Variants in GGT1 observed in about 807,000 individuals in gnomAD.
GGT1 encodes the protein glutathione hydrolase 1 proenzyme.
A neutral mutation model predicts 56.0 loss-of-function variants in GGT1; 21 were observed. The ratio of observed to expected loss-of-function variants is 0.38; its 90% CI spans 0.27 to 0.54. The LOEUF is 0.54. GGT1 is among the 20% of genes least tolerant of loss of function. The pLI, the probability that GGT1 is intolerant of heterozygous loss-of-function variation, is 0.82. For missense variants in GGT1, 466 were observed against 787.0 expected, an observed-to-expected ratio of 0.59 and a Z score of 4.88; for synonymous variants, 238 against 342.6, an observed-to-expected ratio of 0.69 and a Z score of 3.37.
At chr22:24,611,820 T>TGTGTGTGTG (rs2046722956) in intron 5 of GGT1, among the ~76,000 whole-genome samples, 1 of 147,524 alleles carries the variant, frequency 6.8e-6, no homozygotes, top group African/African-American at 2.6e-5. Context: ...TGTGTGTGTG[T>TGTGTGTGTG]TTCCAAGACA....
chr22:24,619,926 C>T (rs1334249760), intron 7 of GGT1, among the ~76,000 whole-genome samples: 3 of 150,920 alleles, frequency 2.0e-5, no homozygotes, highest in Non-Finnish European at 4.4e-5. Flanking sequence ...GCTACTGCTT[C>T]CCCTGCTGTG....
chr22:24,619,778 G>A (rs549357538), intron 7 of GGT1, among the ~76,000 whole-genome samples: 1 of 150,900 alleles, frequency 6.6e-6, no homozygotes, highest in East Asian at 1.9e-4. Context: ...GCACATTCTC[G>A]TGGAGCCCAT....
upstream of GGT1, among the ~76,000 whole-genome samples, chr22:24,601,413 G>A (rs188362038): frequency 5.3e-5 from 8 of 152,350 alleles, no homozygotes; most frequent in East Asian, 1.4e-3. Flanking sequence ...GCCAGTTGCA[G>A]GAAGTGGTTT....
In GGT1 at chr22:24,628,646, T is replaced by A. The variant is rs1397181490; in HGVS notation, c.1564-47T>A. 1 of 1,610,912 alleles carries A rather than the reference T, an allele frequency of 6.2e-7. No homozygotes were observed. Among genetic ancestry groups the A allele is most frequent in the South Asian group, 1.1e-5 (1 of 90,984 alleles). On this transcript the variant is annotated intron_variant, in intron 15 of 15. Coordinates refer to ENST00000400382, the MANE Select transcript of GGT1 (RefSeq NM_001288833.2). This position sits in a 1 kb window ranked among gnomAD's most constrained non-coding sequence, Gnocchi z 5.7. ...TGTGACCACACAGATGTGGTTCAGG[T>A]GGCATCTGGAGCCCTGCTCAGGCTT...
chr22:24,620,348 C>T lies in GGT1; in HGVS notation c.403C>T (p.Pro135Ser), dbSNP rs751315001. 3 of 1,611,706 alleles carry T rather than the reference C, an allele frequency of 1.9e-6. No individual in the cohort carries two copies. The highest frequency in any genetic ancestry group is 2.5e-6 in the Non-Finnish European group (3 of 1,179,768). The change falls in exon 8 of 16, where the codon CCT (proline) becomes TCT (serine). Residue 135 changes from proline to serine, a missense_variant. This residue lies in a region of GGT1 where 456 missense variants were observed against 716.7 expected (regional missense o/e 0.64). Coordinates refer to ENST00000400382, the MANE Select transcript of GGT1 (RefSeq NM_001288833.2). This position sits in a 1 kb window ranked among gnomAD's most constrained non-coding sequence, Gnocchi z 5.6. ...CCCAGGGGGGCTGTCGGTGGCGGTG[C>T]CTGGGGAGATCCGAGGCTATGAGCT... ...SQKGGLSVAVPGEIRGYELAH... is the reference protein window; with the variant it reads ...SQKGGLSVAVSGEIRGYELAH...
chr22:24,606,853 C>T (rs1323295693), intron 1 of GGT1, among the ~76,000 whole-genome samples: 2 of 151,712 alleles, frequency 1.3e-5, no homozygotes, highest in African/African-American at 4.9e-5. Context: ...GAATAGACCT[C>T]AGGTGGAGGC....
rs1335161756 is a variant in GGT1, at chr22:24,627,910, G to A, written c.1267G>A (p.Asp423Asn). ...SGILFNNEMD[D>N]FSSPSITNEF... is the part of the protein sequence containing the mutation. ...GATCCTGTTCAATAATGAAATGGAC[G>A]ACTTCAGCTCTCCCAGCATCACCAA... Residue 423 changes from aspartate to asparagine, a missense_variant, in exon 13 of 16, where the codon GAC becomes AAC. Coordinates refer to ENST00000400382, the MANE Select transcript of GGT1 (RefSeq NM_001288833.2). 13 of 1,613,782 alleles carry A rather than the reference G, an allele frequency of 8.1e-6. No individual in the cohort carries two copies. Among genetic ancestry groups the A allele is most frequent in the South Asian group, 2.2e-5 (2 of 91,072 alleles).
chr22:24,588,629 G>A, the GGT1 span: 15 of 1,096,688 alleles, frequency 1.4e-5, no homozygotes, highest in South Asian at 4.5e-5. Flanking sequence ...CCAGCGTCTC[G>A]GGCTATCAGC....
upstream of GGT1, chr22:24,593,017 C>CG: frequency 8.3e-6 from 9 of 1,086,366 alleles, no homozygotes; most frequent in Non-Finnish European, 1.0e-5. Flanking sequence ...GGGCCCGGCC[C>CG]GCCGGCCCAG....
In GGT1 at chr22:24,604,278, G is replaced by A. The variant is rs2045893754; in HGVS notation, c.-429+751G>A. The stretch of plus-strand genomic sequence containing the variant: ...ACCTCGTAAAATCCCTTTTGTCTAA[G>A]CTTCAGTTTCCTGCCTGTGAATGGG... On this transcript the variant is annotated intron_variant, in intron 1 of 15. Coordinates refer to ENST00000400382, the MANE Select transcript of GGT1 (RefSeq NM_001288833.2). Among the ~76,000 whole-genome samples, 10 of 152,252 alleles carry A rather than the reference G, an allele frequency of 6.6e-5. No homozygotes were observed. In the South Asian group the frequency reaches 2.1e-3, roughly 32 times the overall value.
chr22:24,611,550 CTATCT>C (rs1569054953), intron 5 of GGT1, among the ~76,000 whole-genome samples: 3,333 of 44,440 alleles, frequency 0.075, 38 homozygotes, highest in Admixed American at 0.094. Context: ...TATCATCTAT[CTATCT>C]ATCTATCTAT....
chr22:24,585,256 C>A, the GGT1 span, among the ~76,000 whole-genome samples: 1 of 152,198 alleles, frequency 6.6e-6, no homozygotes, highest in African/African-American at 2.4e-5. Flanking sequence ...CAGCCTTGTC[C>A]CCTGCCCAGA....
rs1247970825 is a variant in GGT1, at chr22:24,610,414, G to C, written c.-125G>C. 128 of 191,200 alleles carry C rather than the reference G, an allele frequency of 6.7e-4. No individual in the cohort carries two copies. The highest frequency in any genetic ancestry group is 1.4e-3 in the South Asian group (15 of 11,106). 11.8% of individuals were successfully genotyped at this position (191,200 alleles called of 1,614,324 possible). A position where few individuals can be genotyped will look rare whatever the true frequency, so the allele number is the denominator to read the frequency against. ...CCTGAAGAAGATTCTGTGGCTACAG[G>C]CTTCAGCAGAGTGTGAGGGAGACCC... On this transcript the variant is annotated 5_prime_UTR_variant, in exon 4 of 16. Transcript: ENST00000400382.
the GGT1 span, chr22:24,588,569 G>T: frequency 1.2e-6 from 1 of 843,312 alleles, no homozygotes; most frequent in Non-Finnish European, 1.7e-6. Context: ...AGTGCCCGGC[G>T]GGAGGAAGCC....
the GGT1 span, chr22:24,586,468 C>T: frequency 4.5e-6 from 7 of 1,544,702 alleles, no homozygotes; most frequent in African/African-American, 8.1e-5. Flanking sequence ...CCCCCACTGA[C>T]CACAGACAGT....
upstream of GGT1, among the ~76,000 whole-genome samples, chr22:24,591,359 G>A (rs571704228): frequency 3.9e-5 from 6 of 152,360 alleles, no homozygotes; most frequent in African/African-American, 1.4e-4. Context: ...GATTATAGGC[G>A]TGAGCCACTG....
At chr22:24,594,209 A>G (rs1277979260), upstream of GGT1, among the ~76,000 whole-genome samples, 3 of 151,916 alleles carry the variant, frequency 2.0e-5, no homozygotes, top group South Asian at 2.1e-4. Flanking sequence ...TGCAGCCCCA[A>G]TCCCGGCTCT....
chr22:24,614,944 G>A, intron 6 of GGT1, 38 bp downstream of exon 6: 2 of 1,607,088 alleles, frequency 1.2e-6, no homozygotes, highest in Non-Finnish European at 1.7e-6. Flanking sequence ...AGGGGCAGGG[G>A]GTGTGGGTTG....
At chr22:24,589,907 T>C (rs761994638), upstream of GGT1, 1 of 1,612,860 alleles carries the variant, frequency 6.2e-7, no homozygotes, top group Non-Finnish European at 8.5e-7. Flanking sequence ...GCCACATCTC[T>C]GTAGAGGATA....
Sources: gnomAD v4.1 joint callset for allele counts (sites outside exome capture counted in the v4.1 genomes callset) on GRCh38, gnomAD v4.1.1 for gene constraint, gnomAD v4.1.1 regional missense constraint, Gnocchi (gnomAD v3.1) non-coding constraint, MANE v1.5 for transcripts, NCBI Gene and HGNC (gene_info 2026-07-23, HGNC 2026-07-21) for gene names.